AAK1: variants seen among roughly 807,000 people sequenced by gnomAD.
AAK1 encodes AP2 associated kinase 1, also known as AP2-associated protein kinase 1.
In AAK1, 37 loss-of-function variants were observed where a neutral mutation model predicts 116.0. That is an observed-to-expected ratio of 0.32 (90% CI 0.25 to 0.42). The LOEUF (loss-of-function observed/expected upper bound fraction) is 0.42. Ranked by LOEUF, AAK1 falls within the 10% of genes least tolerant of loss-of-function variation. The pLI is 1.00. For missense variants in AAK1, 919 were observed against 1,170.6 expected (o/e 0.79, Z 3.14); for synonymous variants, 458 against 439.9 (o/e 1.04, Z -0.51).
At chr2:69,506,432 T>G (rs1676187671) in intron 15 of AAK1, among the ~76,000 whole-genome samples, 1 of 152,224 alleles carries the variant, frequency 6.6e-6, no homozygotes, top group Non-Finnish European at 1.5e-5. Flanking sequence ...GGTAAATTCA[T>G]AGCCCACTGC....
intron 2 of AAK1, among the ~76,000 whole-genome samples, chr2:69,623,326 A>G (rs1674749459): frequency 6.6e-6 from 1 of 152,234 alleles, no homozygotes; most frequent in Admixed American, 6.5e-5. Context: ...AATTCTGGAC[A>G]CATTACGACT....
chr2:69,481,881 C>T (rs1341797791), intron 18 of AAK1: 1 of 152,278 alleles, frequency 6.6e-6, no homozygotes, highest in African/African-American at 2.4e-5. Flanking sequence ...TCAGGGCTCA[C>T]TGCAGCCTCA....
At chr2:69,490,735 T>G (rs1675489508) in intron 17 of AAK1, among the ~76,000 whole-genome samples, 1 of 152,112 alleles carries the variant, frequency 6.6e-6, no homozygotes, top group Admixed American at 6.6e-5. Context: ...GGTGGATGGA[T>G]GGTAGTGATG....
At chr2:69,481,195 T>C (rs1675075729) in intron 18 of AAK1, 1 of 362,170 alleles carries the variant, frequency 2.8e-6, no homozygotes, top group Non-Finnish European at 5.1e-6. Context: ...GTCTCTAAAA[T>C]GCCAGTCTCA....
chr2:69,536,133 A>G (rs1572934651), intron 5 of AAK1, among the ~76,000 whole-genome samples: 1 of 152,322 alleles, frequency 6.6e-6, no homozygotes, highest in South Asian at 2.1e-4. Context: ...CCGGACTGCC[A>G]GGACCACACC....
At chr2:69,620,070 A>G (rs1040628277) in intron 2 of AAK1, among the ~76,000 whole-genome samples, 22 of 152,190 alleles carry the variant, frequency 1.4e-4, no homozygotes, top group African/African-American at 5.1e-4. Context: ...AGGCTCAGGC[A>G]GCAGTGGAGA....
intron 2 of AAK1, among the ~76,000 whole-genome samples, chr2:69,626,395 C>T (rs1363678737): frequency 2.6e-5 from 4 of 151,820 alleles, no homozygotes; most frequent in African/African-American, 7.3e-5. Flanking sequence ...CACAAATTAC[C>T]TCCATATTTC....
chr2:69,577,990 G>A (rs1190442827), intron 2 of AAK1, among the ~76,000 whole-genome samples: 1 of 152,188 alleles, frequency 6.6e-6, no homozygotes, highest in Non-Finnish European at 1.5e-5. Context: ...ATCTGAGGTG[G>A]AAGGAAGGGC....
chr2:69,606,043 C>T (rs1053570866), intron 2 of AAK1, among the ~76,000 whole-genome samples: 5 of 152,218 alleles, frequency 3.3e-5, no homozygotes, highest in Admixed American at 1.3e-4. Flanking sequence ...ACATGCTTTG[C>T]ACTTTCCTGC....
chr2:69,624,720 C>T (rs1418355189), intron 2 of AAK1, among the ~76,000 whole-genome samples: 1 of 152,182 alleles, frequency 6.6e-6, no homozygotes, highest in South Asian at 2.1e-4. Context: ...GTCCCCAACA[C>T]TAAACCTCAT....
intron 2 of AAK1, among the ~76,000 whole-genome samples, chr2:69,620,986 CA>C (rs2105236666): frequency 6.6e-6 from 1 of 152,334 alleles, no homozygotes; most frequent in Non-Finnish European, 1.5e-5. Flanking sequence ...TTTTAAAAAG[CA>C]TACCCTTTGC....
intron 7 of AAK1, 84 bp from the exon 8 acceptor site, chr2:69,530,224 A>G (rs938050920): frequency 1.2e-5 from 17 of 1,376,760 alleles, no homozygotes; most frequent in African/African-American, 4.4e-5. Flanking sequence ...GGCACCATCC[A>G]CATTTACTAG....
Position 69,507,403 on chromosome 2 carries a change from A to G in AAK1, c.2164+18T>C. On this transcript the variant is annotated intron_variant, in intron 15 of 21. Transcript: ENST00000409085. The stretch of plus-strand genomic sequence containing the variant: ...AATCTATAATCAAGAAGCACAAAAA[A>G]AGACACAGCTTACTCACCTTCCCCA... The G allele has an allele frequency of 6.2e-7, 1 of 1,608,484 alleles. No individual in the cohort carries two copies. Among genetic ancestry groups the G allele is most frequent in the Non-Finnish European group, 8.5e-7 (1 of 1,177,438 alleles).
Position 69,473,134 on chromosome 2 carries a change from AG to A in AAK1, c.*2734del, listed in dbSNP as rs1674735772. 1.5e-5 allele frequency: 12 copies of A among 820,766 alleles called. No homozygotes were observed. The highest frequency in any genetic ancestry group is 1.8e-5 in the Non-Finnish European group (12 of 679,730). The allele number at this position is 820,766 out of a possible 1,614,324, so 50.8% of individuals were successfully genotyped here. A position where few individuals can be genotyped will look rare whatever the true frequency, so the allele number is the denominator to read the frequency against. On this transcript the variant is annotated 3_prime_UTR_variant, in exon 22 of 22. Coordinates refer to ENST00000409085, the MANE Select transcript of AAK1 (RefSeq NM_014911.5). The stretch of plus-strand genomic sequence containing the variant: ...AACTCTAAGGAACAGCAACTCTGAG[AG>A]GTGAAGTGCCTGCTGAAGGTCACTC...
intron 12 of AAK1, among the ~76,000 whole-genome samples, chr2:69,515,200 C>T (rs910309693): frequency 6.6e-6 from 1 of 152,192 alleles, no homozygotes; most frequent in African/African-American, 2.4e-5. Flanking sequence ...AAAAGAATAA[C>T]CTAAATGTTA....
Position 69,594,896 on chromosome 2 carries a change from A to G in AAK1, c.164-37918T>C, listed in dbSNP as rs150750385. ...TTTGTAGTTTTAGCCTTTTTCCAGA[A>G]AATCGGCTTAGTTTGCCCACTACAG... On this transcript the variant is annotated intron_variant, in intron 2 of 21. Coordinates refer to ENST00000409085, the MANE Select transcript of AAK1 (RefSeq NM_014911.5). 5.5e-3 allele frequency: 8,249 copies of G among 1,510,526 alleles called. 392 individuals carry two copies. In the African/African-American group the frequency reaches 0.1, roughly 18 times the overall value. The allele number at this position is 1,510,526 out of a possible 1,614,324, so 93.6% of individuals were successfully genotyped here. A position where few individuals can be genotyped will look rare whatever the true frequency, so the allele number is the denominator to read the frequency against.
At chr2:69,542,319 A>G (rs1670756050) in intron 5 of AAK1, among the ~76,000 whole-genome samples, 1 of 152,178 alleles carries the variant, frequency 6.6e-6, no homozygotes, top group Non-Finnish European at 1.5e-5. Context: ...ATTATAAAGA[A>G]TTTCTGGAGG....
intron 5 of AAK1, among the ~76,000 whole-genome samples, chr2:69,542,257 G>A (rs535767963): frequency 6.6e-6 from 1 of 152,166 alleles, no homozygotes; most frequent in Non-Finnish European, 1.5e-5. Context: ...CTGAAAAAGT[G>A]GGGGGAGTAT....
intron 3 of AAK1, among the ~76,000 whole-genome samples, chr2:69,553,449 T>TTG (rs1671263528): frequency 7.2e-6 from 1 of 138,288 alleles, no homozygotes; most frequent in African/African-American, 2.8e-5. Flanking sequence ...TTTTTTTTTT[T>TTG]TTTTTTTTTT....
Sources: gnomAD v4.1 joint callset for allele counts (sites outside exome capture counted in the v4.1 genomes callset) on GRCh38, gnomAD v4.1.1 for gene constraint, MANE v1.5 for transcripts, NCBI Gene and HGNC (gene_info 2026-07-23, HGNC 2026-07-21) for gene names.